The following CTNNA3 variants were observed in gnomAD, a reference collection of about 807,000 sequenced individuals.
CTNNA3 encodes the protein catenin alpha 3.
Under a neutral mutation model 95.7 loss-of-function variants are expected in CTNNA3, and 76 were observed. That is an observed-to-expected ratio of 0.79 (90% confidence interval 0.66 to 0.96). The LOEUF (loss-of-function observed/expected upper bound fraction) is 0.96, where lower values mean the gene tolerates loss of function less well. CTNNA3 is among the 40% of genes least tolerant of loss of function. The pLI is 0.00. For synonymous variants in CTNNA3, 431 were observed against 374.4 expected, an observed-to-expected ratio of 1.15 and a Z score of -1.74; for missense variants, 1,191 against 1,089.8, an observed-to-expected ratio of 1.09 and a Z score of -1.31.
intron 13 of CTNNA3, among the ~76,000 whole-genome samples, chr10:66,159,125 C>G (rs2084704396): frequency 6.6e-6 from 1 of 151,982 alleles, no homozygotes; most frequent in Non-Finnish European, 1.5e-5. Context: ...TTGACTTCCT[C>G]TTTACCAATT....
chr10:67,024,917 G>T lies in CTNNA3; in HGVS notation c.1047+155400C>A, dbSNP rs560642377. ...GGGCCAAGGCGGGCGGATCACCTGA[G>T]GTCCGGAGTTTGAGACCAGCCTGAC... On this transcript the variant is annotated intron_variant, in intron 7 of 17. Transcript: ENST00000433211. Among the ~76,000 whole-genome samples, 7 of 152,134 alleles carry T rather than the reference G, an allele frequency of 4.6e-5. No individual in the cohort carries two copies. In the South Asian group the frequency reaches 1.5e-3, roughly 32 times the overall value.
rs55770560 is a variant in CTNNA3, at chr10:66,997,366, A to C, written c.1047+182951T>G. Among the ~76,000 whole-genome samples the C allele has an allele frequency of 6.3e-3, 961 of 152,332 alleles. 9 individuals are homozygous for C. Among genetic ancestry groups the C allele is most frequent in the African/African-American group, 0.022 (917 of 41,574 alleles). On this transcript the variant is annotated intron_variant, in intron 7 of 17. Transcript: ENST00000433211. ...CCACAAATTCTTTCTTGTTTGTAAA[A>C]ATTAATTTACCTGTGTTAAATTGTT...
intron 7 of CTNNA3, among the ~76,000 whole-genome samples, chr10:66,878,626 G>T (rs12245817): frequency 6.6e-6 from 1 of 152,012 alleles, no homozygotes; most frequent in African/African-American, 2.4e-5. Flanking sequence ...CCTGATTCTA[G>T]GAGCAACTGT....
intron 3 of CTNNA3, among the ~76,000 whole-genome samples, chr10:67,583,635 A>G (rs1842501405): frequency 6.6e-6 from 1 of 152,110 alleles, no homozygotes; most frequent in South Asian, 2.1e-4. Context: ...GTTCTCCTGG[A>G]TAATATCCTG....
intron 5 of CTNNA3, among the ~76,000 whole-genome samples, chr10:67,316,784 G>A (rs958874895): frequency 3.9e-5 from 6 of 152,136 alleles, no homozygotes; most frequent in Non-Finnish European, 8.8e-5. Flanking sequence ...ATTCAGAGGA[G>A]GTGATTAATG....
intron 5 of CTNNA3, among the ~76,000 whole-genome samples, chr10:67,235,054 G>A (rs1290376382): frequency 2.0e-5 from 3 of 151,162 alleles, no homozygotes; most frequent in Non-Finnish European, 4.4e-5. Context: ...CTCATGGGTA[G>A]GAAGAATCAA....
chr10:67,428,082 A>T (rs909415787), intron 5 of CTNNA3, among the ~76,000 whole-genome samples: 2 of 152,096 alleles, frequency 1.3e-5, no homozygotes, highest in Non-Finnish European at 2.9e-5. Flanking sequence ...ACCCAATTTT[A>T]AATTATATTA....
intron 5 of CTNNA3, among the ~76,000 whole-genome samples, chr10:67,415,363 G>A (rs2132850761): frequency 6.6e-6 from 1 of 152,222 alleles, no homozygotes; most frequent in South Asian, 2.1e-4. Flanking sequence ...CAACATCCAG[G>A]CTGAGAGTAA....
intron 7 of CTNNA3, among the ~76,000 whole-genome samples, chr10:67,139,553 C>T (rs1860454149): frequency 6.6e-6 from 1 of 152,016 alleles, no homozygotes; most frequent in African/African-American, 2.4e-5. Flanking sequence ...GCTGGGATTA[C>T]AGGTGACCAC....
rs541494428 is a variant in CTNNA3 at position 66,361,454 on chromosome 10, C to G, written c.1732+17698G>C. 2.8e-5 allele frequency among the ~76,000 whole-genome samples: 4 copies of G among 144,468 alleles called. No homozygotes were observed. In the East Asian group the frequency reaches 8.4e-4, roughly 30 times the overall value. The allele number at this position is 144,468 out of a possible 152,430, so 94.8% of individuals were successfully genotyped here. ...TTTCTTTTCTTTTCTTTCTCTCTTT[C>G]TTTATCTTTCTCTTTCTTTCTTTCT... On this transcript the variant is annotated intron_variant, in intron 12 of 17. Coordinates refer to ENST00000433211, the MANE Select transcript of CTNNA3 (RefSeq NM_013266.4).
chr10:67,317,490 A>C (rs983736537), intron 5 of CTNNA3, among the ~76,000 whole-genome samples: 2 of 150,638 alleles, frequency 1.3e-5, no homozygotes, highest in African/African-American at 4.9e-5. Context: ...CAGTGGCACA[A>C]TCTTGGCTCA....
intron 7 of CTNNA3, among the ~76,000 whole-genome samples, chr10:67,011,317 G>A (rs1300768888): frequency 6.6e-6 from 1 of 150,634 alleles, no homozygotes; most frequent in African/African-American, 2.4e-5. Flanking sequence ...CTCCAGCCTG[G>A]GGCAGAGCAA....
chr10:66,771,896 G>T (rs1840100559), intron 8 of CTNNA3, among the ~76,000 whole-genome samples: 1 of 152,114 alleles, frequency 6.6e-6, no homozygotes, highest in South Asian at 2.1e-4. Flanking sequence ...CATGCTGTAA[G>T]TGTTCCAGGA....
chr10:67,586,316 C>G (rs1412525682), intron 3 of CTNNA3, among the ~76,000 whole-genome samples: 2 of 152,076 alleles, frequency 1.3e-5, no homozygotes, highest in East Asian at 3.9e-4. Flanking sequence ...GTAGAGTGTT[C>G]TGTAAATGTC....
intron 7 of CTNNA3, among the ~76,000 whole-genome samples, chr10:66,905,329 A>G (rs1210022792): frequency 6.6e-6 from 1 of 152,112 alleles, no homozygotes; most frequent in African/African-American, 2.4e-5. Context: ...ATAAGAACAC[A>G]TGGACACAGG....
chr10:66,261,757 G>A (rs745709703), intron 13 of CTNNA3, among the ~76,000 whole-genome samples: 5 of 151,896 alleles, frequency 3.3e-5, no homozygotes, highest in East Asian at 1.9e-4. Flanking sequence ...GATGTTCTTC[G>A]GATCCCCAAT....
chr10:66,022,632 C>T (rs865933313), intron 15 of CTNNA3, among the ~76,000 whole-genome samples: 3 of 146,652 alleles, frequency 2.0e-5, no homozygotes, highest in African/African-American at 5.0e-5. Context: ...CACACACACA[C>T]ATACACACAC....
chr10:66,015,676 C>T (rs2079081236), intron 15 of CTNNA3, among the ~76,000 whole-genome samples: 3 of 151,594 alleles, frequency 2.0e-5, no homozygotes, highest in African/African-American at 7.3e-5. Context: ...TATACACTGG[C>T]CTTTCCATAG....
chr10:67,437,365 T>C (rs1376803156), intron 5 of CTNNA3, among the ~76,000 whole-genome samples: 1 of 152,080 alleles, frequency 6.6e-6, no homozygotes, highest in Non-Finnish European at 1.5e-5. Flanking sequence ...ACAAATATGG[T>C]GCAGTGTATA....
Sources: allele counts gnomAD v4.1 joint callset (sites outside exome capture counted in the v4.1 genomes callset), GRCh38; gene constraint gnomAD v4.1.1; transcripts MANE v1.5; gene names NCBI Gene and HGNC (gene_info 2026-07-23, HGNC 2026-07-21).